PIWIL2: variants seen among roughly 807,000 people sequenced by gnomAD.
PIWIL2 encodes the protein piwi-like protein 2.
In PIWIL2, 81 loss-of-function variants were observed where a neutral mutation model predicts 116.5. The ratio of observed to expected loss-of-function variants is 0.70; its 90% CI spans 0.58 to 0.84. The LOEUF (loss-of-function observed/expected upper bound fraction) is 0.84, where lower values mean the gene tolerates loss of function less well. Among genes scored for constraint, PIWIL2 ranks in the 40% least tolerant of loss-of-function variants. The pLI is 0.00. For missense variants in PIWIL2, 1,272 were observed against 1,212.3 expected (o/e 1.05, Z -0.73); for synonymous variants, 489 against 429.5 (o/e 1.14, Z -1.71).
intron 20 of PIWIL2, among the ~76,000 whole-genome samples, chr8:22,331,992 C>T (rs750026612): frequency 1.3e-5 from 2 of 152,052 alleles, no homozygotes; most frequent in Non-Finnish European, 2.9e-5. Context: ...TTAGATATAG[C>T]TGAGGCTGGA....
chr8:22,296,083 T>G (rs11985936), intron 10 of PIWIL2, among the ~76,000 whole-genome samples: 15,462 of 139,584 alleles, frequency 0.11, 2,942 homozygotes, highest in African/African-American at 0.39. Flanking sequence ...TGAGATGGAG[T>G]CTTGCTCTGT....
intron 20 of PIWIL2, among the ~76,000 whole-genome samples, chr8:22,341,233 AAAG>A (rs1350773225): frequency 4.6e-5 from 7 of 152,076 alleles, no homozygotes; most frequent in Admixed American, 3.3e-4. Flanking sequence ...TCAACAGGCT[AAAG>A]AAGAAGAATC....
At position 22,313,668 on chromosome 8, in the gene PIWIL2, G is replaced by A. The variant is rs186798824; in HGVS notation, c.1990-660G>A. On this transcript the variant is annotated intron_variant, in intron 16 of 22. Coordinates refer to ENST00000356766, the MANE Select transcript of PIWIL2 (RefSeq NM_018068.5). ...TTTGTAGCAGTTTCTGGCTTAAAGG[G>A]TTGGCAACCTTCTTTCACTTGAGTG... is the stretch of plus-strand genomic sequence containing the variant. Among the ~76,000 whole-genome samples, 42 of 152,322 alleles carry A rather than the reference G, an allele frequency of 2.8e-4. 1 individual carries two copies. Among genetic ancestry groups the A allele is most frequent in the African/African-American group, 7.9e-4 (33 of 41,570 alleles).
intron 20 of PIWIL2, among the ~76,000 whole-genome samples, chr8:22,337,273 A>G (rs1005713207): frequency 6.6e-5 from 10 of 152,170 alleles, no homozygotes; most frequent in South Asian, 6.2e-4. Flanking sequence ...ACACACACAC[A>G]CAATTAGAGC....
At chr8:22,290,647 T>C (rs1243429400) in intron 10 of PIWIL2, among the ~76,000 whole-genome samples, 2 of 109,070 alleles carry the variant, frequency 1.8e-5, no homozygotes, top group Non-Finnish European at 1.8e-5. Context: ...AGAGATAGGG[T>C]CTTGCTATGT....
chr8:22,342,073 A>G (rs1233742932), intron 20 of PIWIL2, among the ~76,000 whole-genome samples: 2 of 152,160 alleles, frequency 1.3e-5, no homozygotes, highest in African/African-American at 2.4e-5. Context: ...GTGTCAGCAG[A>G]AAAAAATGGA....
rs1830336798 is a variant in PIWIL2 at position 22,275,399 on chromosome 8, G to C, written c.-47+1G>C. 6.6e-6 allele frequency: 1 copy of C among 152,620 alleles called. No homozygotes were observed. Among genetic ancestry groups the C allele is most frequent in the Admixed American group, 6.5e-5 (1 of 15,292 alleles). 9.5% of individuals were successfully genotyped at this position (152,620 alleles called of 1,614,324 possible). A position where few individuals can be genotyped will look rare whatever the true frequency, so the allele number is the denominator to read the frequency against. On this transcript the variant is annotated splice_donor_variant, in intron 1 of 22. Coordinates refer to ENST00000356766, the MANE Select transcript of PIWIL2 (RefSeq NM_018068.5). LOFTEE classifies it low-confidence loss of function (5UTR_SPLICE). ...GACTGGGGCGAGGACTCGCGCACAG[G>C]TGAGTACTGGCCCCGGTTGCGGCAT...
chr8:22,349,402 A>C (rs1306154841), intron 20 of PIWIL2, among the ~76,000 whole-genome samples: 1 of 132,038 alleles, frequency 7.6e-6, no homozygotes, highest in African/African-American at 2.9e-5. Flanking sequence ...ACTTTTGTGT[A>C]CAATATATGT....
At chr8:22,289,215 C>T (rs961807070) in intron 8 of PIWIL2, among the ~76,000 whole-genome samples, 13 of 150,326 alleles carry the variant, frequency 8.6e-5, no homozygotes, top group African/African-American at 2.7e-4. Context: ...TGCAGTGGCG[C>T]AATCCCGGCT....
intron 12 of PIWIL2, among the ~76,000 whole-genome samples, 195 bp downstream of exon 12, chr8:22,305,063 C>G (rs1203133491): frequency 6.6e-6 from 1 of 152,128 alleles, no homozygotes; most frequent in Non-Finnish European, 1.5e-5. Context: ...TAGAAGTCCC[C>G]ACGAGGCGGA....
chr8:22,355,318 A>G (rs1177588146), intron 22 of PIWIL2, 31 bp from the exon 23 acceptor site: 1 of 1,611,370 alleles, frequency 6.2e-7, no homozygotes, highest in Admixed American at 1.7e-5. Context: ...GTGGGGGATG[A>G]TGAGAATTAT....
chr8:22,290,363 G>T lies in PIWIL2; in HGVS notation c.1181+17G>T. Reference sequence around the variant, plus strand: ...GGATGTCATGTGAGTGAATGGTGGGGTCTATCTTTAACATGCTGATGATTT... The same window carrying T: ...GGATGTCATGTGAGTGAATGGTGGGTTCTATCTTTAACATGCTGATGATTT... On this transcript the variant is annotated intron_variant, in intron 10 of 22. Coordinates refer to ENST00000356766, the MANE Select transcript of PIWIL2 (RefSeq NM_018068.5). 1.4e-6 allele frequency: 2 copies of T among 1,427,312 alleles called. No homozygotes were observed. Among genetic ancestry groups the T allele is most frequent in the Non-Finnish European group, 2.0e-6 (2 of 1,012,078 alleles). The allele number at this position is 1,427,312 out of a possible 1,614,324, so 88.4% of individuals were successfully genotyped here.
At chr8:22,305,884 C>T (rs1353599915) in intron 12 of PIWIL2, 43 bp from the exon 13 acceptor site, 2 of 1,424,944 alleles carry the variant, frequency 1.4e-6, no homozygotes, top group Non-Finnish European at 2.0e-6. Context: ...GAACATGAGC[C>T]TCTTGTACTG....
chr8:22,284,951 C>T (rs145772241), intron 6 of PIWIL2, among the ~76,000 whole-genome samples: 1 of 152,162 alleles, frequency 6.6e-6, no homozygotes, highest in East Asian at 1.9e-4. Context: ...GATGAAGTCT[C>T]AGTTTTTTTA....
Position 22,283,173 on chromosome 8 carries a change from G to A in PIWIL2, c.565G>A (p.Ala189Thr), listed in dbSNP as rs993242010. ...TCCCCCGCAGCTGTCATCACCACCA[G>A]CTCTGCCCCAGTCTCCCCTGCACTC... ...RGPPQLSSPPALPQSPLHSPD... is the reference protein window; with the variant it reads ...RGPPQLSSPPTLPQSPLHSPD... The change falls in exon 5 of 23, where the codon GCT (alanine) becomes ACT (threonine). Residue 189 changes from alanine to threonine, a missense_variant. By Grantham distance (58) the Ala-to-Thr change is moderately conservative. Transcript: ENST00000356766. 6.2e-7 allele frequency: 1 copy of A among 1,614,178 alleles called. No homozygotes were observed. The highest frequency in any genetic ancestry group is 1.3e-5 in the African/African-American group (1 of 75,056).
chr8:22,325,502 T>TTC (rs1468702940), intron 20 of PIWIL2, among the ~76,000 whole-genome samples: 3 of 142,722 alleles, frequency 2.1e-5, no homozygotes, highest in Non-Finnish European at 4.6e-5. Context: ...TTTTTTTTTT[T>TTC]TGAGACAGTC....
chr8:22,348,035 G>A (rs540162662), intron 20 of PIWIL2, among the ~76,000 whole-genome samples: 13 of 151,550 alleles, frequency 8.6e-5, no homozygotes, highest in Non-Finnish European at 1.6e-4. Context: ...AGTGGCCCAC[G>A]CCTGTAATCC....
rs1014213835 is a variant in PIWIL2, at chr8:22,288,793, A to G, written c.986+127A>G. On this transcript the variant is annotated intron_variant, in intron 8 of 22. Coordinates refer to ENST00000356766, the MANE Select transcript of PIWIL2 (RefSeq NM_018068.5). ...AGATGGGTTTGGAAGCATTTAATGA[A>G]TAAATGGATGGTATTGAGGCTAACT... 11 of 742,650 alleles carry G rather than the reference A, an allele frequency of 1.5e-5. No individual in the cohort carries two copies. In the Admixed American group the frequency reaches 1.9e-4, roughly 13 times the overall value. 46.0% of individuals were successfully genotyped at this position (742,650 alleles called of 1,614,324 possible).
intron 10 of PIWIL2, among the ~76,000 whole-genome samples, chr8:22,293,003 A>G (rs1376048615): frequency 2.0e-5 from 3 of 152,246 alleles, no homozygotes; most frequent in Admixed American, 6.5e-5. Context: ...ATTTAATTGT[A>G]CACAGTAAAT....
Sources: gnomAD v4.1 joint callset for allele counts (sites outside exome capture counted in the v4.1 genomes callset) on GRCh38, gnomAD v4.1.1 for gene constraint, MANE v1.5 for transcripts, NCBI Gene and HGNC (gene_info 2026-07-23, HGNC 2026-07-21) for gene names.